The following COL22A1 variants were observed in gnomAD, a reference collection of about 807,000 sequenced individuals.
COL22A1 encodes the protein collagen alpha-1(XXII) chain.
In COL22A1, 221 loss-of-function variants were observed where a neutral mutation model predicts 248.9. The observed-to-expected ratio is 0.89, with a 90% CI of 0.80 to 0.99. The LOEUF (loss-of-function observed/expected upper bound fraction) is 0.99, where lower values mean the gene tolerates loss of function less well. Among genes scored for constraint, COL22A1 ranks in the 50% least tolerant of loss-of-function variants. COL22A1 has a pLI of 0.00. For synonymous variants in COL22A1, 891 were observed against 793.4 expected, an observed-to-expected ratio of 1.12 and a Z score of -2.07; for missense variants, 2,240 against 2,179.0, an observed-to-expected ratio of 1.03 and a Z score of -0.56.
chr8:138,781,836 G>A (rs1474360870), intron 12 of COL22A1, among the ~76,000 whole-genome samples: 2 of 152,196 alleles, frequency 1.3e-5, no homozygotes, highest in African/African-American at 4.8e-5. Context: ...GAGCAAGGCT[G>A]CGCCTCTCTC....
At chr8:138,781,995 G>A (rs1332929520) in intron 12 of COL22A1, among the ~76,000 whole-genome samples, 1 of 152,164 alleles carries the variant, frequency 6.6e-6, no homozygotes, top group African/African-American at 2.4e-5. Flanking sequence ...AATCCTATGA[G>A]ATATGTATTA....
At chr8:138,593,366 C>T (rs1184087220) in intron 63 of COL22A1, among the ~76,000 whole-genome samples, 2 of 151,884 alleles carry the variant, frequency 1.3e-5, no homozygotes, top group African/African-American at 4.8e-5. Flanking sequence ...CACATGTATC[C>T]CAGAACTTGA....
At chr8:138,745,486 T>C (rs1363320112) in intron 22 of COL22A1, among the ~76,000 whole-genome samples, 3 of 152,238 alleles carry the variant, frequency 2.0e-5, no homozygotes, top group Non-Finnish European at 4.4e-5. Flanking sequence ...ATTCCTATTG[T>C]ATTTATAACT....
chr8:138,598,666 T>A, intron 61 of COL22A1, 53 bp downstream of exon 61: 2 of 1,534,024 alleles, frequency 1.3e-6, no homozygotes, highest in South Asian at 2.4e-5. Flanking sequence ...CTTCCCTGGC[T>A]CCCCCTTAGG....
rs370101066 is a variant in COL22A1 at position 138,613,541 on chromosome 8, G to A, written c.3978+326C>T. On this transcript the variant is annotated intron_variant, in intron 56 of 64. Transcript: ENST00000303045. ...CATGGTACTTGGTTACAGCAGCCTC[G>A]GGAAACTAACCTCTAGCAAGCACCA... Among the ~76,000 whole-genome samples the A allele has an allele frequency of 3.6e-4, 55 of 152,254 alleles. No homozygotes were observed. In the East Asian group the frequency reaches 0.01, roughly 28 times the overall value.
chr8:138,906,238 C>T (rs1005882054), intron 1 of COL22A1, among the ~76,000 whole-genome samples: 1 of 152,134 alleles, frequency 6.6e-6, no homozygotes, highest in Middle Eastern at 3.4e-3. Context: ...GGCATGGTGG[C>T]GGGCACCTAT....
chr8:138,604,670 C>T, intron 59 of COL22A1, 64 bp downstream of exon 59: 8 of 1,424,840 alleles, frequency 5.6e-6, no homozygotes, highest in Non-Finnish European at 7.9e-6. Context: ...AGGGCCTGAG[C>T]CTGCATAGAC....
chr8:138,902,424 G>A (rs890484144), intron 1 of COL22A1, among the ~76,000 whole-genome samples: 13 of 152,186 alleles, frequency 8.5e-5, no homozygotes, highest in African/African-American at 1.7e-4. Flanking sequence ...AGGCTGGGCC[G>A]CGATGGCTCA....
At chr8:138,865,819 CTGTG>C (rs568962528) in intron 3 of COL22A1, among the ~76,000 whole-genome samples, 1,908 of 123,472 alleles carry the variant, frequency 0.015, 24 homozygotes, top group Non-Finnish European at 0.022. Flanking sequence ...GTTTGTATGC[CTGTG>C]TGTGTGTGTA....
At chr8:138,697,098 C>T (rs770437692) in intron 32 of COL22A1, among the ~76,000 whole-genome samples, 28 of 152,148 alleles carry the variant, frequency 1.8e-4, no homozygotes, top group Non-Finnish European at 3.1e-4. Context: ...CAGAGAAGGA[C>T]TCCAGATGCT....
At chr8:138,820,271 T>C (rs1293382188) in intron 7 of COL22A1, among the ~76,000 whole-genome samples, 1 of 152,178 alleles carries the variant, frequency 6.6e-6, no homozygotes, top group African/African-American at 2.4e-5. Flanking sequence ...TTTCCCCACA[T>C]CATGTTTCCT....
chr8:138,602,060 C>T, intron 60 of COL22A1, 55 bp downstream of exon 60: 5 of 1,594,464 alleles, frequency 3.1e-6, no homozygotes, highest in Non-Finnish European at 4.3e-6. Flanking sequence ...CATCCTGTGG[C>T]CACTGTGCAA....
intron 27 of COL22A1, among the ~76,000 whole-genome samples, chr8:138,718,462 A>C (rs1829618011): frequency 6.6e-6 from 1 of 152,150 alleles, no homozygotes; most frequent in South Asian, 2.1e-4. Context: ...GGTCGTGAAC[A>C]CCAATCCAAA....
chr8:138,692,053 TGTGC>T (rs1354991668), intron 35 of COL22A1, among the ~76,000 whole-genome samples: 3 of 87,246 alleles, frequency 3.4e-5, no homozygotes, highest in Non-Finnish European at 6.8e-5. Flanking sequence ...AAGGTGTGTG[TGTGC>T]GCGCACGTTT....
At chr8:138,885,982 C>A (rs1586966112) in intron 1 of COL22A1, among the ~76,000 whole-genome samples, 1 of 152,108 alleles carries the variant, frequency 6.6e-6, no homozygotes, top group African/African-American at 2.4e-5. Flanking sequence ...TTCCAACAAC[C>A]CATTAGGTTA....
chr8:138,800,534 G>A (rs966620583), intron 11 of COL22A1, among the ~76,000 whole-genome samples: 7 of 152,138 alleles, frequency 4.6e-5, no homozygotes, highest in Admixed American at 3.9e-4. Flanking sequence ...AAGTTCTAGC[G>A]ACTTCTTCAG....
At chr8:138,786,313 A>T in intron 12 of COL22A1, among the ~76,000 whole-genome samples, 1 of 152,172 alleles carries the variant, frequency 6.6e-6, no homozygotes, top group East Asian at 1.9e-4. Context: ...AGACGGTAAC[A>T]TCTCTTTTTG....
intron 11 of COL22A1, among the ~76,000 whole-genome samples, chr8:138,800,628 T>C (rs1486406662): frequency 6.6e-6 from 1 of 152,188 alleles, no homozygotes; most frequent in Non-Finnish European, 1.5e-5. Context: ...ACAGTGCTAT[T>C]TGGCCTCAAT....
At chr8:138,899,997 A>C (rs547468164) in intron 1 of COL22A1, among the ~76,000 whole-genome samples, 1 of 152,314 alleles carries the variant, frequency 6.6e-6, no homozygotes, top group South Asian at 2.1e-4. Context: ...AGATGATATA[A>C]ATAGCAACCA....
Sources: allele counts gnomAD v4.1 joint callset (sites outside exome capture counted in the v4.1 genomes callset), GRCh38; gene constraint gnomAD v4.1.1; transcripts MANE v1.5; gene names NCBI Gene and HGNC (gene_info 2026-07-23, HGNC 2026-07-21).